The following CDH4 variants were observed in gnomAD, a reference collection of about 807,000 sequenced individuals.
CDH4 encodes the protein cadherin 4, also known as cadherin-4.
CDH4 carries 33 observed loss-of-function variants against 86.0 expected under a neutral mutation model. The ratio of observed to expected loss-of-function variants is 0.38; its 90% CI spans 0.29 to 0.51. CDH4 has a LOEUF of 0.51. Ranked by LOEUF, CDH4 falls within the 20% of genes least tolerant of loss-of-function variation. The pLI is 0.86. For synonymous variants in CDH4, 555 were observed against 549.4 expected (o/e 1.01, Z -0.14); for missense variants, 1,114 against 1,307.4 (o/e 0.85, Z 2.28).
chr20:61,834,712 G>A (rs1981786339), intron 4 of CDH4, among the ~76,000 whole-genome samples: 1 of 119,264 alleles, frequency 8.4e-6, no homozygotes, highest in Non-Finnish European at 2.2e-5. Flanking sequence ...ACTTGGCGCT[G>A]CCTATCCCCG....
intron 2 of CDH4, among the ~76,000 whole-genome samples, chr20:61,320,965 G>A (rs1053892630): frequency 6.6e-6 from 1 of 152,080 alleles, no homozygotes; most frequent in Non-Finnish European, 1.5e-5. Flanking sequence ...CTGCTGTGGG[G>A]AAGTGTCCCA....
At chr20:61,412,283 T>C (rs2085123832) in intron 2 of CDH4, among the ~76,000 whole-genome samples, 1 of 152,322 alleles carries the variant, frequency 6.6e-6, no homozygotes, top group East Asian at 1.9e-4. Context: ...TGGCTCTCAT[T>C]GACTCCCCAG....
At chr20:61,672,574 G>C (rs1366759013) in intron 2 of CDH4, among the ~76,000 whole-genome samples, 1 of 152,162 alleles carries the variant, frequency 6.6e-6, no homozygotes, top group African/African-American at 2.4e-5. Flanking sequence ...GAAATGAGGT[G>C]TGATTCCAAT....
chr20:61,581,983 G>A (rs2086432807), intron 2 of CDH4, among the ~76,000 whole-genome samples: 1 of 152,216 alleles, frequency 6.6e-6, no homozygotes, highest in Non-Finnish European at 1.5e-5. Flanking sequence ...GCATGGCTGA[G>A]CTTTGCCCTC....
intron 2 of CDH4, among the ~76,000 whole-genome samples, chr20:61,341,442 G>A (rs1199234677): frequency 6.6e-6 from 1 of 151,934 alleles, no homozygotes; most frequent in Non-Finnish European, 1.5e-5. Flanking sequence ...TCTGGGAATT[G>A]TGAAGTAGCC....
chr20:61,802,720 C>T (rs538075985), intron 4 of CDH4, among the ~76,000 whole-genome samples: 4 of 152,292 alleles, frequency 2.6e-5, no homozygotes, highest in South Asian at 2.1e-4. Flanking sequence ...GCCTGGGGGC[C>T]GGGCAGGGGG....
chr20:61,450,036 C>A (rs2085371481), intron 2 of CDH4, among the ~76,000 whole-genome samples: 1 of 152,234 alleles, frequency 6.6e-6, no homozygotes, highest in Non-Finnish European at 1.5e-5. Context: ...CTGCCCCTGA[C>A]TAATCTCAAC....
At chr20:61,671,516 GATGGATAGATGGACAA>G (rs1296900329) in intron 2 of CDH4, among the ~76,000 whole-genome samples, 27 of 152,170 alleles carry the variant, frequency 1.8e-4, no homozygotes, top group Admixed American at 3.3e-4. Context: ...AGAATAAGTG[GATGGATAGATGGACAA>G]ATGGATGGAT....
intron 5 of CDH4, among the ~76,000 whole-genome samples, chr20:61,851,018 G>A (rs999163721): frequency 4.6e-5 from 7 of 151,782 alleles, no homozygotes; most frequent in Non-Finnish European, 7.3e-5. Context: ...CTTTTCCCCC[G>A]AGGCCCTGTG....
chr20:61,407,743 C>T (rs971657945), intron 2 of CDH4, among the ~76,000 whole-genome samples: 3 of 152,126 alleles, frequency 2.0e-5, no homozygotes, highest in African/African-American at 4.8e-5. Flanking sequence ...ATGAGAGGAC[C>T]GTGGTGCAGT....
intron 2 of CDH4, among the ~76,000 whole-genome samples, chr20:61,727,141 A>G (rs1187712383): frequency 6.6e-6 from 1 of 151,986 alleles, no homozygotes; most frequent in Non-Finnish European, 1.5e-5. Flanking sequence ...CATCAGAGCC[A>G]TCATCACCAT....
chr20:61,579,245 A>G (rs2086406996), intron 2 of CDH4, among the ~76,000 whole-genome samples: 1 of 151,232 alleles, frequency 6.6e-6, no homozygotes, highest in Admixed American at 6.6e-5. Flanking sequence ...GCAGCCAGCC[A>G]GGCAGTCGGG....
At chr20:61,277,712 A>G (rs1206186646) in intron 2 of CDH4, among the ~76,000 whole-genome samples, 2 of 152,210 alleles carry the variant, frequency 1.3e-5, no homozygotes, top group Non-Finnish European at 2.9e-5. Flanking sequence ...AAGACAAGTG[A>G]GTCTTAGTCT....
At chr20:61,857,909 ATCTGTGTGTGTGTCAGTGTGTGTCTG>A (rs1393646125) in intron 6 of CDH4, among the ~76,000 whole-genome samples, 1 of 147,060 alleles carries the variant, frequency 6.8e-6, no homozygotes, top group African/African-American at 2.6e-5. Flanking sequence ...CTCTGTGTGC[ATCTGTGTGTGTGTCAGTGTGTGTCTG>A]TCTGTGTGTC....
intron 2 of CDH4, among the ~76,000 whole-genome samples, chr20:61,625,817 G>C (rs2086825452): frequency 6.6e-6 from 1 of 152,232 alleles, no homozygotes; most frequent in South Asian, 2.1e-4. Flanking sequence ...GTACTTACCA[G>C]ATAAGGATGC....
intron 3 of CDH4, among the ~76,000 whole-genome samples, chr20:61,755,446 A>C (rs2088552304): frequency 7.3e-6 from 1 of 137,534 alleles, no homozygotes; most frequent in African/African-American, 3.3e-5. Context: ...CCACACACAC[A>C]CACCCCGTAC....
chr20:61,704,405 C>A (rs957394454), intron 2 of CDH4, among the ~76,000 whole-genome samples: 1 of 152,130 alleles, frequency 6.6e-6, no homozygotes, highest in Admixed American at 6.5e-5. Flanking sequence ...CCTTGTGGGG[C>A]GCTCTCGTTA....
At chr20:61,261,594 G>T (rs931574111) in intron 2 of CDH4, among the ~76,000 whole-genome samples, 2 of 152,134 alleles carry the variant, frequency 1.3e-5, no homozygotes, top group Non-Finnish European at 2.9e-5. Context: ...TTGGCCTAAG[G>T]GTAGGAGATT....
chr20:61,490,655 C>A (rs896247452), intron 2 of CDH4, among the ~76,000 whole-genome samples: 1 of 151,948 alleles, frequency 6.6e-6, no homozygotes, highest in East Asian at 1.9e-4. Flanking sequence ...GCTGAGATCA[C>A]GCCATTGCAC....
Sources: gnomAD v4.1 joint callset for allele counts (sites outside exome capture counted in the v4.1 genomes callset) on GRCh38, gnomAD v4.1.1 for gene constraint, MANE v1.5 for transcripts, NCBI Gene and HGNC (gene_info 2026-07-23, HGNC 2026-07-21) for gene names.